Variants in TENM3 observed in about 807,000 individuals in gnomAD.
TENM3 encodes teneurin-3.
In TENM3, 63 loss-of-function variants were observed where a neutral mutation model predicts 255.1. The observed-to-expected ratio is 0.25, with a 90% CI of 0.20 to 0.30. The LOEUF (loss-of-function observed/expected upper bound fraction) is 0.30. Among genes scored for constraint, TENM3 ranks in the 10% least tolerant of loss-of-function variants. The probability of loss-of-function intolerance (pLI) is 1.00; values close to 1 mark genes in which losing one functional copy is unlikely to be tolerated. For synonymous variants in TENM3, 1,306 were observed against 1,322.3 expected, an observed-to-expected ratio of 0.99 and a Z score of 0.27; for missense variants, 2,929 against 3,461.1, an observed-to-expected ratio of 0.85 and a Z score of 3.86.
rs533977069 is a variant in TENM3 at position 182,415,067 on chromosome 4, A to G, written c.511+68138A>G. Among the ~76,000 whole-genome samples, 75 of 152,356 alleles carry G rather than the reference A, an allele frequency of 4.9e-4. 1 individual carries two copies. Among genetic ancestry groups the G allele is most frequent in the East Asian group, 2.1e-3 (11 of 5,180 alleles). ...ACTAATAGGTGACACACTGTTAATC[A>G]GCATACCATTTCGAAATATCTTAAT... On this transcript the variant is annotated intron_variant, in intron 3 of 27. Transcript: ENST00000511685.
At chr4:181,562,678 ATT>A in the TENM3 span, among the ~76,000 whole-genome samples, 5 of 143,176 alleles carry the variant, frequency 3.5e-5, no homozygotes, top group Admixed American at 7.0e-5. Flanking sequence ...ATTCTTCTTA[ATT>A]TTTTTTTTTT....
At chr4:182,016,377 T>G in the TENM3 span, among the ~76,000 whole-genome samples, 1 of 152,346 alleles carries the variant, frequency 6.6e-6, no homozygotes, top group South Asian at 2.1e-4. Context: ...TTCATCTTCT[T>G]GTTAGCATGG....
At chr4:181,655,331 T>C in the TENM3 span, among the ~76,000 whole-genome samples, 1 of 152,150 alleles carries the variant, frequency 6.6e-6, no homozygotes, top group Non-Finnish European at 1.5e-5. Context: ...AATGAAGACA[T>C]GAATTGCAGG....
At chr4:182,518,508 G>A (rs1475866082) in intron 3 of TENM3, among the ~76,000 whole-genome samples, 1 of 151,804 alleles carries the variant, frequency 6.6e-6, no homozygotes. Flanking sequence ...ATGCTTTCCA[G>A]TTAGCCTAAA....
chr4:181,454,314 A>G, the TENM3 span, among the ~76,000 whole-genome samples: 1 of 152,174 alleles, frequency 6.6e-6, no homozygotes, highest in African/African-American at 2.4e-5. Context: ...CATGTACCGC[A>G]TAACGATGTT....
At chr4:181,627,680 G>A in the TENM3 span, among the ~76,000 whole-genome samples, 1 of 152,020 alleles carries the variant, frequency 6.6e-6, no homozygotes, top group Non-Finnish European at 1.5e-5. Context: ...CTTTTTTATG[G>A]CTGCATAGTA....
At chr4:181,779,870 G>A in the TENM3 span, among the ~76,000 whole-genome samples, 2 of 152,102 alleles carry the variant, frequency 1.3e-5, no homozygotes, top group African/African-American at 4.8e-5. Context: ...TCCCACCTAT[G>A]AGTGAGAACA....
the TENM3 span, among the ~76,000 whole-genome samples, chr4:181,468,250 G>C: frequency 1.2e-4 from 18 of 152,120 alleles, no homozygotes; most frequent in African/African-American, 4.1e-4. Context: ...CTCCAGCCTG[G>C]GCCACAGAGT....
the TENM3 span, among the ~76,000 whole-genome samples, chr4:181,947,414 T>A: frequency 3.3e-5 from 5 of 152,322 alleles, no homozygotes; most frequent in Middle Eastern, 6.8e-3. Context: ...GACTTGTGAT[T>A]GGTTTTTGTT....
At chr4:182,705,847 A>C (rs1758240599) in intron 12 of TENM3, among the ~76,000 whole-genome samples, 1 of 151,996 alleles carries the variant, frequency 6.6e-6, no homozygotes, top group African/African-American at 2.4e-5. Context: ...TTTTCAACTT[A>C]CTTGTTTTTA....
chr4:182,062,853 G>A, the TENM3 span, among the ~76,000 whole-genome samples: 3 of 152,166 alleles, frequency 2.0e-5, no homozygotes, highest in African/African-American at 4.8e-5. Flanking sequence ...AGACTATATC[G>A]ATATGGCTCT....
At chr4:182,033,242 CTCTT>C in the TENM3 span, among the ~76,000 whole-genome samples, 495 of 152,174 alleles carry the variant, frequency 3.3e-3, no homozygotes, top group Middle Eastern at 0.031. Context: ...AGTATGTTGT[CTCTT>C]TGTTTTCATT....
intron 3 of TENM3, among the ~76,000 whole-genome samples, chr4:182,559,433 A>G (rs1274947598): frequency 6.6e-6 from 1 of 152,124 alleles, no homozygotes; most frequent in Admixed American, 6.6e-5. Flanking sequence ...TTACAATGAA[A>G]TAGTAACCAC....
the TENM3 span, among the ~76,000 whole-genome samples, chr4:182,021,862 A>T: frequency 2.4e-4 from 37 of 152,326 alleles, no homozygotes; most frequent in South Asian, 7.0e-3. Context: ...ATCAGAAAAA[A>T]ACTTCCAGTT....
chr4:181,571,126 C>G, the TENM3 span, among the ~76,000 whole-genome samples: 1 of 152,130 alleles, frequency 6.6e-6, no homozygotes, highest in Non-Finnish European at 1.5e-5. Context: ...GTAGCCGGTG[C>G]TGTTCCTCAA....
At chr4:182,369,855 G>A (rs995427107) in intron 3 of TENM3, among the ~76,000 whole-genome samples, 2 of 152,122 alleles carry the variant, frequency 1.3e-5, no homozygotes, top group Non-Finnish European at 2.9e-5. Flanking sequence ...TCCAGCCCAC[G>A]TGACAGAGTG....
the TENM3 span, among the ~76,000 whole-genome samples, chr4:181,875,199 C>A: frequency 2.6e-5 from 4 of 152,152 alleles, no homozygotes; most frequent in Admixed American, 2.6e-4. Context: ...GATATGTCTG[C>A]TGTTTACCTA....
the TENM3 span, among the ~76,000 whole-genome samples, chr4:181,706,712 CAG>C: frequency 1.1e-3 from 163 of 152,304 alleles, no homozygotes; most frequent in African/African-American, 3.8e-3. Flanking sequence ...CTGTGAGAAA[CAG>C]GGAGTGTCTC....
intron 13 of TENM3, among the ~76,000 whole-genome samples, chr4:182,720,301 T>G (rs1759610554): frequency 6.6e-6 from 1 of 151,770 alleles, no homozygotes; most frequent in Admixed American, 6.6e-5. Flanking sequence ...AAAAACAGAT[T>G]TAAAAATAAA....
Sources: allele counts gnomAD v4.1 joint callset (sites outside exome capture counted in the v4.1 genomes callset), GRCh38; gene constraint gnomAD v4.1.1; transcripts MANE v1.5; gene names NCBI Gene and HGNC (gene_info 2026-07-23, HGNC 2026-07-21).